QTMAN: variants seen among roughly 807,000 people sequenced by gnomAD.
The protein encoded by QTMAN is tRNA-queuosine alpha-mannosyltransferase.
At chr2:143,986,974 T>C in the QTMAN span, among the ~76,000 whole-genome samples, 8 of 152,198 alleles carry the variant, frequency 5.3e-5, no homozygotes, top group East Asian at 1.5e-3. Flanking sequence ...GGACTAGAGG[T>C]AAAGGGCTCA....
At chr2:144,321,577 A>G in the QTMAN span, among the ~76,000 whole-genome samples, 1 of 152,124 alleles carries the variant, frequency 6.6e-6, no homozygotes, top group Non-Finnish European at 1.5e-5. Context: ...GGATTAGCGT[A>G]TGGACTTCAA....
the QTMAN span, among the ~76,000 whole-genome samples, chr2:144,124,748 G>A: frequency 6.6e-6 from 1 of 152,062 alleles, no homozygotes; most frequent in Non-Finnish European, 1.5e-5. Flanking sequence ...ATTACCATTT[G>A]CTTCTCTCAG....
At chr2:144,012,947 G>A in the QTMAN span, among the ~76,000 whole-genome samples, 2 of 152,144 alleles carry the variant, frequency 1.3e-5, no homozygotes, top group African/African-American at 2.4e-5. Flanking sequence ...GAAGTTCAGC[G>A]TGTCTCACAT....
the QTMAN span, among the ~76,000 whole-genome samples, chr2:144,179,825 T>A: frequency 6.6e-6 from 1 of 152,216 alleles, no homozygotes; most frequent in African/African-American, 2.4e-5. Context: ...GTTTCCTGGA[T>A]AAAACTCCTA....
the QTMAN span, among the ~76,000 whole-genome samples, chr2:144,078,953 C>G: frequency 3.0e-3 from 463 of 152,206 alleles, 2 homozygotes; most frequent in African/African-American, 0.011. Flanking sequence ...AAGAACCACA[C>G]TATCCTGATT....
chr2:144,136,732 C>T, the QTMAN span, among the ~76,000 whole-genome samples: 6 of 152,180 alleles, frequency 3.9e-5, no homozygotes, highest in East Asian at 1.9e-4. Context: ...TGGAGTTCCA[C>T]GGGAAATCTG....
the QTMAN span, among the ~76,000 whole-genome samples, chr2:144,299,031 G>A: frequency 6.6e-6 from 1 of 152,048 alleles, no homozygotes; most frequent in South Asian, 2.1e-4. Context: ...AAAAATGAGA[G>A]CAGGTTGATT....
the QTMAN span, among the ~76,000 whole-genome samples, chr2:144,165,651 C>CA: frequency 2.0e-5 from 3 of 152,132 alleles, no homozygotes; most frequent in African/African-American, 7.2e-5. Context: ...AGCCTACTGG[C>CA]AGCTTAAATA....
chr2:144,322,274 C>T, the QTMAN span, among the ~76,000 whole-genome samples: 1 of 152,146 alleles, frequency 6.6e-6, no homozygotes, highest in Non-Finnish European at 1.5e-5. Context: ...TTAGTGAATA[C>T]TCCCAAGAGC....
chr2:143,946,662 T>A, the QTMAN span: 1 of 170,932 alleles, frequency 5.9e-6, no homozygotes, highest in African/African-American at 2.4e-5. Flanking sequence ...AAAGAAAGAA[T>A]TCAGGCACCA....
chr2:144,018,370 T>C, the QTMAN span, among the ~76,000 whole-genome samples: 1 of 152,130 alleles, frequency 6.6e-6, no homozygotes, highest in Non-Finnish European at 1.5e-5. Context: ...GGACAGTAAG[T>C]ATTGATTCAA....
the QTMAN span, among the ~76,000 whole-genome samples, chr2:144,067,666 G>T: frequency 1.3e-5 from 2 of 152,170 alleles, no homozygotes; most frequent in African/African-American, 4.8e-5. Context: ...CGCCAGAGAA[G>T]AAGGTGGCAG....
the QTMAN span, among the ~76,000 whole-genome samples, chr2:144,082,892 A>G: frequency 3.8e-4 from 57 of 150,098 alleles, 1 homozygote; most frequent in African/African-American, 4.4e-4. Context: ...ATACACACGC[A>G]CACACACACA....
chr2:144,221,056 G>A, the QTMAN span, among the ~76,000 whole-genome samples: 12 of 152,130 alleles, frequency 7.9e-5, no homozygotes, highest in African/African-American at 2.9e-4. Context: ...AGGTGATAGT[G>A]AAATTTCAAC....
At chr2:144,065,452 T>G in the QTMAN span, among the ~76,000 whole-genome samples, 1 of 152,212 alleles carries the variant, frequency 6.6e-6, no homozygotes, top group Non-Finnish European at 1.5e-5. Context: ...TGCAGATACA[T>G]GTAGGAGATT....
chr2:144,197,263 A>C, the QTMAN span, among the ~76,000 whole-genome samples: 1 of 151,744 alleles, frequency 6.6e-6, no homozygotes, highest in Non-Finnish European at 1.5e-5. Flanking sequence ...TCTATCGTTG[A>C]CCAAAATGTT....
chr2:144,089,528 T>C, the QTMAN span, among the ~76,000 whole-genome samples: 4 of 151,910 alleles, frequency 2.6e-5, no homozygotes, highest in South Asian at 4.2e-4. Flanking sequence ...ATGGCAAAGA[T>C]ACGGAGTCAA....
chr2:144,276,952 T>C, the QTMAN span, among the ~76,000 whole-genome samples: 1 of 152,216 alleles, frequency 6.6e-6, no homozygotes, highest in South Asian at 2.1e-4. Flanking sequence ...ATCATATTGT[T>C]ATTTTTTAAA....
At chr2:144,161,244 T>C in the QTMAN span, among the ~76,000 whole-genome samples, 6 of 152,148 alleles carry the variant, frequency 3.9e-5, no homozygotes, top group Non-Finnish European at 2.9e-5. Context: ...ACTCATATCA[T>C]CAGATCACTT....
Sources: gnomAD v4.1 joint callset for allele counts (sites outside exome capture counted in the v4.1 genomes callset) on GRCh38, gnomAD v4.1.1 for gene constraint, MANE v1.5 for transcripts, NCBI Gene and HGNC (gene_info 2026-07-23, HGNC 2026-07-21) for gene names.